Variants in TENM1 observed in about 807,000 individuals in gnomAD.
TENM1 encodes teneurin-1.
Under a neutral mutation model 174.8 loss-of-function variants are expected in TENM1, and 35 were observed. The ratio of observed to expected loss-of-function variants is 0.20; its 90% CI spans 0.15 to 0.27. The LOEUF is 0.27. Among genes scored for constraint, TENM1 ranks in the 10% least tolerant of loss-of-function variants. The pLI is 1.00. For missense variants in TENM1, 1,633 were observed against 2,130.1 expected, an observed-to-expected ratio of 0.77 and a Z score of 4.59; for synonymous variants, 781 against 798.7, an observed-to-expected ratio of 0.98 and a Z score of 0.37.
chrX:124,446,202 C>G (rs2060963661), intron 23 of TENM1, among the ~76,000 whole-genome samples: 1 of 112,115 alleles, frequency 8.9e-6, no homozygotes, highest in Admixed American at 9.5e-5. Flanking sequence ...TTGGCCATCT[C>G]CAGAGGTTGG....
At chrX:125,120,591 G>A in the TENM1 span, among the ~76,000 whole-genome samples, 1 of 110,667 alleles carries the variant, frequency 9.0e-6, no homozygotes, top group Non-Finnish European at 1.9e-5. Context: ...CATGTTATGT[G>A]ATCCCCTTTA....
chrX:124,876,289 G>A (rs183480747), intron 3 of TENM1, among the ~76,000 whole-genome samples: 3 of 111,499 alleles, frequency 2.7e-5, no homozygotes, highest in Non-Finnish European at 5.7e-5. Flanking sequence ...AATCTCCGCC[G>A]TTTTTAAATT....
the TENM1 span, among the ~76,000 whole-genome samples, chrX:125,200,652 T>TGAGAGAGAGAGAGAGAGAGAGAGA: frequency 1.1e-4 from 9 of 81,335 alleles, no homozygotes; most frequent in African/African-American, 5.0e-4. Context: ...TGTGTGTGTG[T>TGAGAGAGAGAGAGAGAGAGAGAGA]GTGAGAGAGA....
chrX:124,420,786 C>T lies in TENM1; in HGVS notation c.4507G>A (p.Ala1503Thr), dbSNP rs915450029. The T allele has an allele frequency of 5.0e-6, 6 of 1,206,733 alleles. No homozygotes were observed. The Admixed American group carries it at 1.3e-4, about 26-fold the overall frequency. ...GGCGACACTGCTAAGGAGGAAGGGG[C>T]TTTCATCTTTGCATCTTTGGCATAG... The change falls in exon 25 of 32, where the codon GCC becomes ACC. Residue 1503 changes from alanine (A) to threonine (T), a missense_variant. Physicochemically the swap from Ala to Thr is moderately conservative, Grantham distance 58. Coordinates refer to ENST00000422452, the Ensembl canonical transcript of TENM1.
intron 18 of TENM1, among the ~76,000 whole-genome samples, chrX:124,506,464 A>C (rs752246919): frequency 4.4e-4 from 47 of 105,776 alleles, no homozygotes; most frequent in African/African-American, 1.5e-3. Context: ...CAATTATATT[A>C]CTTTTTTTCC....
At chrX:124,797,601 G>C (rs1379638234) in intron 3 of TENM1, among the ~76,000 whole-genome samples, 1 of 110,594 alleles carries the variant, frequency 9.0e-6, no homozygotes, top group Non-Finnish European at 1.9e-5. Flanking sequence ...TAGGTAATAA[G>C]AGTCTTTGAT....
In TENM1 at chrX:124,529,059, C is replaced by T. The variant is rs927522635; in HGVS notation, c.2771+805G>A. Among the ~76,000 whole-genome samples, 16 of 110,852 alleles carry T rather than the reference C, an allele frequency of 1.4e-4. 1 individual carries two copies. The highest frequency in any genetic ancestry group is 2.6e-4 in the African/African-American group (8 of 30,449). ...CTCGAAGCCAACAGGTCTTTTTTTG[C>T]GTATGATTATTGAAGTGGCTTGTTA... On this transcript the variant is annotated intron_variant, in intron 16 of 31. Transcript: ENST00000422452.
intron 3 of TENM1, among the ~76,000 whole-genome samples, chrX:124,791,400 AG>A (rs766762226): frequency 8.9e-6 from 1 of 112,028 alleles, no homozygotes; most frequent in Non-Finnish European, 1.9e-5. Flanking sequence ...TTTTGAAAAA[AG>A]TTACCCCATG....
chrX:125,065,321 A>G, the TENM1 span, among the ~76,000 whole-genome samples: 1 of 111,786 alleles, frequency 8.9e-6, no homozygotes, highest in Middle Eastern at 4.2e-3. Context: ...AATGTCCAGG[A>G]AATCTTTAAC....
intron 1 of TENM1, among the ~76,000 whole-genome samples, chrX:124,957,752 A>G (rs1294110374): frequency 9.0e-6 from 1 of 111,243 alleles, no homozygotes; most frequent in Non-Finnish European, 1.9e-5. Flanking sequence ...GACAGAAATG[A>G]AATGTTTGTG....
At chrX:124,652,411 C>A (rs1057480066) in intron 7 of TENM1, among the ~76,000 whole-genome samples, 1 of 111,176 alleles carries the variant, frequency 9.0e-6, no homozygotes, top group Non-Finnish European at 1.9e-5. Context: ...TTTTAAAGAG[C>A]ATATTTAAAC....
chrX:124,548,911 A>G (rs1338912044), intron 14 of TENM1, among the ~76,000 whole-genome samples: 1 of 111,733 alleles, frequency 8.9e-6, no homozygotes, highest in Admixed American at 9.5e-5. Flanking sequence ...AATTCCCTGT[A>G]CTATAGACAC....
chrX:125,154,952 G>A, the TENM1 span, among the ~76,000 whole-genome samples: 6 of 111,707 alleles, frequency 5.4e-5, no homozygotes, highest in African/African-American at 3.3e-5. Flanking sequence ...GCAGCAGCAA[G>A]ATTTATTGCA....
At chrX:124,616,152 C>T (rs2050393825) in intron 11 of TENM1, among the ~76,000 whole-genome samples, 1 of 112,585 alleles carries the variant, frequency 8.9e-6, no homozygotes, top group Non-Finnish European at 1.9e-5. Flanking sequence ...AAATTGGCCA[C>T]ATATCTATTC....
intron 11 of TENM1, among the ~76,000 whole-genome samples, chrX:124,628,967 G>A (rs774387354): frequency 8.0e-5 from 9 of 111,886 alleles, no homozygotes; most frequent in Non-Finnish European, 1.7e-4. Context: ...CTCCCACCGT[G>A]TACTATAAGG....
At chrX:124,546,630 T>G (rs2048435727) in intron 15 of TENM1, among the ~76,000 whole-genome samples, 1 of 112,066 alleles carries the variant, frequency 8.9e-6, no homozygotes, top group Admixed American at 9.5e-5. Context: ...TTTTTGTTAT[T>G]AAAAGCCATA....
intron 18 of TENM1, 61 bp from the exon 22 acceptor site, chrX:124,503,764 C>G: frequency 9.6e-7 from 1 of 1,040,545 alleles, no homozygotes; most frequent in Non-Finnish European, 1.3e-6. Context: ...CATGTTTATA[C>G]TAGTTGATAA....
chrX:124,725,911 G>A (rs1407291208), intron 4 of TENM1, among the ~76,000 whole-genome samples: 2 of 112,292 alleles, frequency 1.8e-5, no homozygotes, highest in African/African-American at 6.5e-5. Flanking sequence ...TGATTCACTG[G>A]ATAAGTAACT....
chrX:124,609,061 T>C (rs1384191892), intron 11 of TENM1, among the ~76,000 whole-genome samples: 1 of 111,089 alleles, frequency 9.0e-6, no homozygotes, highest in Non-Finnish European at 1.9e-5. Flanking sequence ...GGATTACTCA[T>C]TCACCATTGG....
Sources: gnomAD v4.1 joint callset for allele counts (sites outside exome capture counted in the v4.1 genomes callset) on GRCh38, gnomAD v4.1.1 for gene constraint, MANE v1.5 for transcripts, NCBI Gene and HGNC (gene_info 2026-07-23, HGNC 2026-07-21) for gene names.